Variants in MEIKIN observed in about 807,000 individuals in gnomAD.
MEIKIN encodes meiotic kinetochore factor.
intron 11 of MEIKIN, among the ~76,000 whole-genome samples, chr5:131,844,378 A>C (rs900518249): frequency 3.9e-5 from 6 of 152,216 alleles, no homozygotes; most frequent in African/African-American, 1.4e-4. Flanking sequence ...AATCTCCAAG[A>C]GATTGAAAAC....
chr5:131,848,878 A>G (rs1452633368), intron 11 of MEIKIN, among the ~76,000 whole-genome samples: 5 of 152,204 alleles, frequency 3.3e-5, no homozygotes, highest in Admixed American at 3.3e-4. Context: ...ACAAAAGCCA[A>G]TCAATGTTTC....
intron 8 of MEIKIN, among the ~76,000 whole-genome samples, chr5:131,882,900 C>CT (rs1750722364): frequency 6.6e-6 from 1 of 152,166 alleles, no homozygotes; most frequent in Admixed American, 6.5e-5. Flanking sequence ...GGCTGACTCT[C>CT]TAATTTTATT....
intron 8 of MEIKIN, among the ~76,000 whole-genome samples, chr5:131,887,687 T>C (rs895547503): frequency 3.9e-5 from 6 of 152,098 alleles, no homozygotes; most frequent in African/African-American, 1.2e-4. Context: ...TGGGTTTTTT[T>C]CTTGTAAATT....
chr5:131,889,991 T>A (rs1750878760), intron 8 of MEIKIN, among the ~76,000 whole-genome samples: 1 of 152,222 alleles, frequency 6.6e-6, no homozygotes, highest in African/African-American at 2.4e-5. Context: ...TGTCTTTGGT[T>A]CTATTTATAT....
At chr5:131,910,941 T>A (rs1347503414) in intron 8 of MEIKIN, among the ~76,000 whole-genome samples, 1 of 152,066 alleles carries the variant, frequency 6.6e-6, no homozygotes, top group African/African-American at 2.4e-5. Flanking sequence ...CTAGGTAAAA[T>A]CATGGTTGAT....
chr5:131,820,663 T>C (rs1749482555), intron 11 of MEIKIN, among the ~76,000 whole-genome samples: 1 of 152,178 alleles, frequency 6.6e-6, no homozygotes, highest in Admixed American at 6.5e-5. Flanking sequence ...GCGCTTTTCT[T>C]TACTGGGAGA....
At chr5:131,922,051 T>A (rs1026063850) in intron 5 of MEIKIN, 110 bp from the exon 6 acceptor site, 1 of 393,942 alleles carries the variant, frequency 2.5e-6, no homozygotes, top group African/African-American at 2.1e-5. Flanking sequence ...GATGGTATTA[T>A]ATTTGAAGGT....
intron 12 of MEIKIN, among the ~76,000 whole-genome samples, chr5:131,816,711 C>T (rs1393871225): frequency 2.0e-5 from 3 of 152,158 alleles, no homozygotes; most frequent in Non-Finnish European, 4.4e-5. Context: ...CTGACAAATA[C>T]AGGATCTTGC....
At chr5:131,885,362 AGAGAGAGAGAGAGAGAGAGAGAGAGAG>A (rs1750768340) in intron 8 of MEIKIN, among the ~76,000 whole-genome samples, 1 of 26,446 alleles carries the variant, frequency 3.8e-5, no homozygotes, top group African/African-American at 1.1e-4. Context: ...AGAGAGAGAG[AGAGAGAGAGAGAGAGAGAGAGAGAGAG>A]AGAGAGAGAG....
intron 11 of MEIKIN, among the ~76,000 whole-genome samples, chr5:131,838,978 A>G (rs1231415941): frequency 6.6e-6 from 1 of 151,764 alleles, no homozygotes; most frequent in Non-Finnish European, 1.5e-5. Flanking sequence ...TAATTTTTTG[A>G]TGTGTTCATT....
intron 9 of MEIKIN, among the ~76,000 whole-genome samples, chr5:131,863,571 T>TTTTTTTTTTTTTTTTTTTTTC (rs1750326932): frequency 6.8e-6 from 1 of 146,260 alleles, no homozygotes; most frequent in African/African-American, 2.6e-5. Context: ...TTTTTTTTTT[T>TTTTTTTTTTTTTTTTTTTTTC]TTTTTTTTTT....
At chr5:131,824,259 A>G (rs367760472) in intron 11 of MEIKIN, among the ~76,000 whole-genome samples, 8 of 152,162 alleles carry the variant, frequency 5.3e-5, no homozygotes, top group African/African-American at 1.9e-4. Context: ...TCACACTTGT[A>G]ATCCCAGCAC....
chr5:131,944,953 G>T (rs575793853), intron 2 of MEIKIN, among the ~76,000 whole-genome samples: 1 of 152,142 alleles, frequency 6.6e-6, no homozygotes, highest in African/African-American at 2.4e-5. Flanking sequence ...TTCCTTTTAC[G>T]TAAATTGGCA....
chr5:131,910,760 G>A (rs1468567914), intron 8 of MEIKIN, among the ~76,000 whole-genome samples: 1 of 151,328 alleles, frequency 6.6e-6, no homozygotes, highest in African/African-American at 2.4e-5. Flanking sequence ...AAAAAGAAAT[G>A]TGTAAAAAAA....
At chr5:131,882,083 C>G (rs1406393366) in intron 8 of MEIKIN, among the ~76,000 whole-genome samples, 1 of 152,042 alleles carries the variant, frequency 6.6e-6, no homozygotes, top group Non-Finnish European at 1.5e-5. Context: ...ATTTTTTTCT[C>G]TTACCTAATA....
At chr5:131,877,771 C>G (rs1750641811) in intron 9 of MEIKIN, among the ~76,000 whole-genome samples, 1 of 152,200 alleles carries the variant, frequency 6.6e-6, no homozygotes. Context: ...CCGCACCCTG[C>G]CCCCCAGTCA....
chr5:131,902,137 A>G (rs936020053), intron 8 of MEIKIN, among the ~76,000 whole-genome samples: 1 of 152,084 alleles, frequency 6.6e-6, no homozygotes. Flanking sequence ...CCATGACTGT[A>G]AGTTTCCTGA....
intron 4 of MEIKIN, among the ~76,000 whole-genome samples, chr5:131,938,648 T>C (rs1242144685): frequency 1.3e-5 from 2 of 152,244 alleles, no homozygotes; most frequent in African/African-American, 4.8e-5. Context: ...ATTTTTATTT[T>C]TTAACAAATT....
chr5:131,852,187 C>A (rs978074473), intron 10 of MEIKIN, among the ~76,000 whole-genome samples: 1 of 152,030 alleles, frequency 6.6e-6, no homozygotes, highest in Admixed American at 6.6e-5. Context: ...AAGGGAGGGA[C>A]CCGGTGTGAG....
Sources: gnomAD v4.1 joint callset for allele counts (sites outside exome capture counted in the v4.1 genomes callset) on GRCh38, gnomAD v4.1.1 for gene constraint, MANE v1.5 for transcripts, NCBI Gene and HGNC (gene_info 2026-07-23, HGNC 2026-07-21) for gene names.